MEX3D: variants seen among roughly 807,000 people sequenced by gnomAD.
The protein encoded by MEX3D is mex-3 RNA binding family member D.
In MEX3D, 4 loss-of-function variants were observed where a neutral mutation model predicts 6.3. The observed-to-expected ratio is 0.64, with a 90% CI of 0.31 to 1.46. MEX3D has a LOEUF of 1.46. Ranked by LOEUF, MEX3D falls within the 40% of genes most tolerant of loss-of-function variation. The probability of loss-of-function intolerance (pLI) is 0.07; values close to 1 mark genes in which losing one functional copy is unlikely to be tolerated. For synonymous variants in MEX3D, 626 were observed against 494.1 expected, an observed-to-expected ratio of 1.27 and a Z score of -3.54; for missense variants, 1,038 against 994.4, an observed-to-expected ratio of 1.04 and a Z score of -0.59.
At position 1,556,417 on chromosome 19, in the gene MEX3D, C is replaced by A; in HGVS notation, c.1102G>T (p.Ala368Ser). 1 of 1,585,606 alleles carries A rather than the reference C, an allele frequency of 6.3e-7. No individual in the cohort carries two copies. The highest frequency in any genetic ancestry group is 8.5e-7 in the Non-Finnish European group (1 of 1,172,226). Residue 368 changes from alanine (A) to serine (S), a missense_variant, in exon 2 of 2, where the codon GCG (alanine) becomes TCG (serine). By Grantham distance (99) the Ala-to-Ser change is moderately conservative (BLOSUM62 1). Transcript: ENST00000402693. This position sits in a 1 kb window ranked among gnomAD's most constrained non-coding sequence, Gnocchi z 7.5. ...GTCTTGGCCCAGAGGCTGGCGGCCG[C>A]CCCGAGCAGGTCCAGGCAGACGTCG... ...GTDVCLDLLG[A>S]AASLWAKTPN...
In MEX3D at chr19:1,567,602, G is replaced by A; in HGVS notation, c.457C>T (p.His153Tyr). 5 of 1,432,168 alleles carry A rather than the reference G, an allele frequency of 3.5e-6. No individual in the cohort carries two copies. The highest frequency in any genetic ancestry group is 2.8e-5 in the South Asian group (2 of 71,464). The allele number at this position is 1,432,168 out of a possible 1,614,324, so 88.7% of individuals were successfully genotyped here. The change falls in exon 1 of 2, where the codon CAC becomes TAC. Residue 153 changes from histidine (H) to tyrosine (Y), a missense_variant. Around this residue, in one of 5 missense-constraint regions of MEX3D, gnomAD observed 265 missense variants for 206.3 expected, o/e 1.28. Coordinates refer to ENST00000402693, the MANE Select transcript of MEX3D (RefSeq NM_203304.4). This position sits in a 1 kb window ranked among gnomAD's most constrained non-coding sequence, Gnocchi z 6.5. Reference protein sequence around the residue: ...PPDVFAGFAPHPAALGPPTLL... With the variant: ...PPDVFAGFAPYPAALGPPTLL... ...GTCGGGGGCCCCAGGGCCGCGGGGT[G>A]GGGCGCGAAGCCCGCGAACACGTCG...
chr19:1,567,259 G>A lies in MEX3D; in HGVS notation c.595+205C>T, dbSNP rs1444526726. On this transcript the variant is annotated intron_variant, in intron 1 of 1. Transcript: ENST00000402693. The surrounding 1 kb of genome is among the most constrained non-coding windows in gnomAD (Gnocchi z 6.5). ...GCGGCGGCGGGGCCGGAGCGCGCAGGGGAGGAGCGCGGGCTGCGCCCAACT... is the reference window on the plus strand; with the variant it reads ...GCGGCGGCGGGGCCGGAGCGCGCAGAGGAGGAGCGCGGGCTGCGCCCAACT... Among the ~76,000 whole-genome samples the A allele has an allele frequency of 3.3e-5, 5 of 152,010 alleles. No individual in the cohort carries two copies. Among genetic ancestry groups the A allele is most frequent in the South Asian group, 2.1e-4 (1 of 4,830 alleles).
At chr19:1,560,057 C>A (rs1914679305) in intron 1 of MEX3D, among the ~76,000 whole-genome samples, 1 of 152,246 alleles carries the variant, frequency 6.6e-6, no homozygotes, top group Non-Finnish European at 1.5e-5. Context: ...ACTCTCTGAG[C>A]TGCCTCCCTG....
chr19:1,555,398 G>A lies in MEX3D; in HGVS notation c.*165C>T, dbSNP rs768585458. 1 of 1,600,732 alleles carries A rather than the reference G, an allele frequency of 6.2e-7. No individual in the cohort carries two copies. Among genetic ancestry groups the A allele is most frequent in the Admixed American group, 1.7e-5 (1 of 59,580 alleles). ...GGTCTCCGTCTCCACGCCTGAGGCG[G>A]CAGTTAAAGCTCATCTGTAAACACT... On this transcript the variant is annotated 3_prime_UTR_variant, in exon 2 of 2. Coordinates refer to ENST00000402693, the MANE Select transcript of MEX3D (RefSeq NM_203304.4).
In MEX3D at chr19:1,567,764, G is replaced by A. The variant is rs1334626412; in HGVS notation, c.295C>T (p.Pro99Ser). The change falls in exon 1 of 2, where the codon CCG (proline) becomes TCG (serine). Residue 99 changes from proline to serine, a missense_variant. Around this residue, in one of 5 missense-constraint regions of MEX3D, gnomAD observed 265 missense variants for 206.3 expected, o/e 1.28. Transcript: ENST00000402693. The surrounding 1 kb of genome is among the most constrained non-coding windows in gnomAD (Gnocchi z 6.5). ...AAGGADGGAAPEPVPPDGPEA... is the reference protein window; with the variant it reads ...AAGGADGGAASEPVPPDGPEA... ...GGTCCGTCGGGGGGCACAGGCTCCG[G>A]AGCCGCCCCGCCGTCCGCGCCCCCC... The A allele has an allele frequency of 6.3e-6, 6 of 958,670 alleles. No individual in the cohort carries two copies. Among genetic ancestry groups the A allele is most frequent in the Middle Eastern group, 5.2e-4 (1 of 1,932 alleles). 59.4% of individuals were successfully genotyped at this position (958,670 alleles called of 1,614,324 possible). A position where few individuals can be genotyped will look rare whatever the true frequency, so the allele number is the denominator to read the frequency against.
chr19:1,566,637 C>T (rs1156341404), intron 1 of MEX3D, among the ~76,000 whole-genome samples: 10 of 151,568 alleles, frequency 6.6e-5, no homozygotes, highest in Admixed American at 6.6e-4. Context: ...GGGTGGCTAA[C>T]GGGGTGGTGG....
rs527279684 is a variant in MEX3D, at chr19:1,556,396, T to C, written c.1123A>G (p.Lys375Glu). The change falls in exon 2 of 2, where the codon AAG (lysine) becomes GAG (glutamate). Residue 375 changes from lysine to glutamate, a missense_variant. This residue lies in a region of MEX3D where 581 missense variants were observed against 516.2 expected (regional missense o/e 1.13). Transcript: ENST00000402693. This position sits in a 1 kb window ranked among gnomAD's most constrained non-coding sequence, Gnocchi z 7.5. ...GGCCGTCGTCCCTGGTTGGGGGTCT[T>C]GGCCCAGAGGCTGGCGGCCGCCCCG... The part of the protein sequence containing the change: ...LLGAAASLWA[K>E]TPNQGRRPPT... 4 of 1,560,644 alleles carry C rather than the reference T, an allele frequency of 2.6e-6. No individual in the cohort carries two copies. The Admixed American group carries it at 5.4e-5, about 21-fold the overall frequency.
At chr19:1,558,742 G>A (rs545791472) in intron 1 of MEX3D, among the ~76,000 whole-genome samples, 6 of 152,190 alleles carry the variant, frequency 3.9e-5, no homozygotes, top group Admixed American at 3.3e-4. Context: ...CCGAGGTCTC[G>A]GCCCGACTGC....
At position 1,555,884 on chromosome 19, in the gene MEX3D, G is replaced by C; in HGVS notation, c.1635C>G (p.Pro545=). The C allele has an allele frequency of 7.7e-7, 1 of 1,294,724 alleles. No individual in the cohort carries two copies. Among genetic ancestry groups the C allele is most frequent in the Non-Finnish European group, 9.8e-7 (1 of 1,023,498 alleles). The allele number at this position is 1,294,724 out of a possible 1,614,324, so 80.2% of individuals were successfully genotyped here. A position where few individuals can be genotyped will look rare whatever the true frequency, so the allele number is the denominator to read the frequency against. The part of the protein sequence containing the change: ...PDPVGALSWR[P]PQGPVSFPGG... ...CTGGGAAGGATACGGGGCCCTGCGGGGGTCGCCAGGACAGCGCGCCCACCG... is the reference window on the plus strand; with the variant it reads ...CTGGGAAGGATACGGGGCCCTGCGGCGGTCGCCAGGACAGCGCGCCCACCG... The change falls in exon 2 of 2, where the codon CCC becomes CCG. Residue 545 remains proline (P), a synonymous_variant. Coordinates refer to ENST00000402693, the MANE Select transcript of MEX3D (RefSeq NM_203304.4).
At chr19:1,559,562 G>A (rs977281123) in intron 1 of MEX3D, among the ~76,000 whole-genome samples, 20 of 152,322 alleles carry the variant, frequency 1.3e-4, no homozygotes, top group African/African-American at 3.4e-4. Flanking sequence ...CACTGCGCCC[G>A]GCCCGTGAAG....
At position 1,568,188 on chromosome 19, in the gene MEX3D, G is replaced by A. The variant is rs1013014531; in HGVS notation, c.-130C>T. On this transcript the variant is annotated 5_prime_UTR_variant, in exon 1 of 2. Coordinates refer to ENST00000402693, the MANE Select transcript of MEX3D (RefSeq NM_203304.4). ...GCGGCGGGGGCGGGCACGGGGGGCC[G>A]GGCGGGCGGGGCGGCGGCGGCGCGG... 6.3e-5 allele frequency: 41 copies of A among 655,646 alleles called. No homozygotes were observed. The highest frequency in any genetic ancestry group is 6.5e-5 in the Non-Finnish European group (35 of 534,908). 40.6% of individuals were successfully genotyped at this position (655,646 alleles called of 1,614,324 possible).
At position 1,567,656 on chromosome 19, in the gene MEX3D, GC is replaced by G; in HGVS notation, c.402del (p.Pro135ArgfsTer33). On this transcript the variant is annotated frameshift_variant, in exon 1 of 2. Coordinates refer to ENST00000402693, the MANE Select transcript of MEX3D (RefSeq NM_203304.4). LOFTEE classifies it high-confidence loss of function. This position sits in a 1 kb window ranked among gnomAD's most constrained non-coding sequence, Gnocchi z 6.5. ...LPLLDPNASP[P>X]PPPPPRPSPP... ...GGCGACGGCCGGGGCGGCGGCGGCG[GC>G]GGGGGACTCGCGTTGGGGTCCAGCA... 8.2e-7 allele frequency: 1 copy of G among 1,214,986 alleles called. No individual in the cohort carries two copies. 75.3% of individuals were successfully genotyped at this position (1,214,986 alleles called of 1,614,324 possible).
At chr19:1,564,510 G>A (rs1914792159) in intron 1 of MEX3D, among the ~76,000 whole-genome samples, 1 of 146,684 alleles carries the variant, frequency 6.8e-6, no homozygotes, top group Admixed American at 7.0e-5. Flanking sequence ...TCCAGCCTGG[G>A]CAACAGAGCG....
intron 1 of MEX3D, among the ~76,000 whole-genome samples, chr19:1,564,805 AG>A (rs991140467): frequency 6.6e-6 from 1 of 152,228 alleles, no homozygotes; most frequent in South Asian, 2.1e-4. Flanking sequence ...TGGGTTTGAC[AG>A]AGAAGCATGA....
In MEX3D at chr19:1,556,941, G is replaced by C. The variant is rs781741973; in HGVS notation, c.596-18C>G. Reference sequence around the variant, plus strand: ...CTTGCAGCCTGTCCGGGAGGGAGGGGAAGGACAAGGTGACCCAGAGCCCCC... The same window carrying C: ...CTTGCAGCCTGTCCGGGAGGGAGGGCAAGGACAAGGTGACCCAGAGCCCCC... On this transcript the variant is annotated intron_variant, in intron 1 of 1. Transcript: ENST00000402693. This position sits in a 1 kb window ranked among gnomAD's most constrained non-coding sequence, Gnocchi z 7.5. The C allele has an allele frequency of 6.3e-7, 1 of 1,579,580 alleles. No individual in the cohort carries two copies. Among genetic ancestry groups the C allele is most frequent in the African/African-American group, 1.3e-5 (1 of 74,182 alleles).
Position 1,556,598 on chromosome 19 carries a change from G to T in MEX3D, c.921C>A (p.Ile307=). The T allele has an allele frequency of 3.7e-6, 6 of 1,609,934 alleles. No homozygotes were observed. Among genetic ancestry groups the T allele is most frequent in the Non-Finnish European group, 5.1e-6 (6 of 1,179,048 alleles). The change falls in exon 2 of 2, where the codon ATC becomes ATA. Residue 307 remains isoleucine, a synonymous_variant. Transcript: ENST00000402693. This position sits in a 1 kb window ranked among gnomAD's most constrained non-coding sequence, Gnocchi z 7.5. ...GCTCCTTGTCGCGCCCGGGCGTCAC[G>T]ATGTAGGTGTGCGTCCGCTGCTGGA... ...KRIQQRTHTY[I]VTPGRDKEPV...
rs1342567653 is a variant in MEX3D at position 1,556,015 on chromosome 19, CGCCGGCGGCGGGA to C, written c.1491_1503del (p.Ala499GlyfsTer106). 1 of 1,238,080 alleles carries C rather than the reference CGCCGGCGGCGGGA, an allele frequency of 8.1e-7. No homozygotes were observed. Among genetic ancestry groups the C allele is most frequent in the Non-Finnish European group, 1.0e-6 (1 of 986,692 alleles). 76.7% of individuals were successfully genotyped at this position (1,238,080 alleles called of 1,614,324 possible). On this transcript the variant is annotated frameshift_variant, in exon 2 of 2. Transcript: ENST00000402693. LOFTEE classifies it low-confidence loss of function (END_TRUNC). The surrounding 1 kb of genome is among the most constrained non-coding windows in gnomAD (Gnocchi z 7.5). ...GTCCCGGCCCCACTGCTGCGCCGGG[CGCCGGCGGCGGGA>C]GGTCCCGGGGCTCCGTTGACCGTGG...
Position 1,555,366 on chromosome 19 carries a change from G to C in MEX3D, c.*197C>G, listed in dbSNP as rs922415752. The C allele has an allele frequency of 6.2e-7, 1 of 1,602,782 alleles. No homozygotes were observed. Among genetic ancestry groups the C allele is most frequent in the Non-Finnish European group, 8.5e-7 (1 of 1,174,216 alleles). ...CGTTGAAGGGCTGAGGCGCCGCCGG[G>C]CTGCGGGGTCTCCGTCTCCACGCCT... On this transcript the variant is annotated 3_prime_UTR_variant, in exon 2 of 2. Transcript: ENST00000402693.
At chr19:1,564,328 T>C (rs552251573) in intron 1 of MEX3D, among the ~76,000 whole-genome samples, 2 of 151,030 alleles carry the variant, frequency 1.3e-5, no homozygotes, top group South Asian at 4.2e-4. Flanking sequence ...AGGTCAGGAG[T>C]GTGAGACCAG....
Sources: allele counts gnomAD v4.1 joint callset (sites outside exome capture counted in the v4.1 genomes callset), GRCh38; gene constraint gnomAD v4.1.1; regional missense constraint gnomAD v4.1.1; non-coding constraint Gnocchi (gnomAD v3.1); transcripts MANE v1.5; gene names NCBI Gene and HGNC (gene_info 2026-07-23, HGNC 2026-07-21).